The following SCMH1 variants were observed in gnomAD, a reference collection of about 807,000 sequenced individuals.
The protein encoded by SCMH1 is polycomb protein SCMH1.
Under a neutral mutation model 70.8 loss-of-function variants are expected in SCMH1, and 37 were observed. The observed-to-expected ratio is 0.52, with a 90% CI of 0.40 to 0.69. The LOEUF (loss-of-function observed/expected upper bound fraction) is 0.69. SCMH1 is among the 30% of genes least tolerant of loss of function. The pLI, the probability that SCMH1 is intolerant of heterozygous loss-of-function variation, is 0.00. For synonymous variants in SCMH1, 292 were observed against 307.4 expected (o/e 0.95, Z 0.52); for missense variants, 607 against 827.3 (o/e 0.73, Z 3.27).
chr1:41,111,405 T>A (rs1669215250), intron 8 of SCMH1, among the ~76,000 whole-genome samples: 1 of 152,240 alleles, frequency 6.6e-6, no homozygotes, highest in Non-Finnish European at 1.5e-5. Flanking sequence ...ATTGGTGCGA[T>A]CTTGGCTCAC....
chr1:41,049,173 C>T (rs1397241786), intron 10 of SCMH1, among the ~76,000 whole-genome samples: 4 of 152,214 alleles, frequency 2.6e-5, no homozygotes, highest in Non-Finnish European at 5.9e-5. Context: ...CTTCTGTGCA[C>T]TGAAAAGAAA....
intron 10 of SCMH1, among the ~76,000 whole-genome samples, chr1:41,049,457 T>A (rs543988812): frequency 2.9e-4 from 44 of 151,746 alleles, no homozygotes; most frequent in African/African-American, 1.0e-3. Flanking sequence ...AATAAAAATT[T>A]TAAAAAAAAT....
chr1:41,037,833 C>T lies in SCMH1; in HGVS notation c.1499-292G>A, dbSNP rs576053452. On this transcript the variant is annotated intron_variant, in intron 12 of 14. Transcript: ENST00000337495. ...TTTTCTTGATAAGGAACATCTTAAA[C>T]AAATGGAGCTATTCTAGGATGGAAG... Among the ~76,000 whole-genome samples the T allele has an allele frequency of 1.5e-3, 229 of 152,292 alleles. 2 individuals are homozygous for T. Among genetic ancestry groups the T allele is most frequent in the African/African-American group, 5.3e-3 (221 of 41,550 alleles).
At chr1:41,242,254 C>A (rs1329024785), upstream of SCMH1, 1 of 143,942 alleles carries the variant, frequency 6.9e-6, no homozygotes, top group African/African-American at 2.5e-5. This position sits in a 1 kb window ranked among gnomAD's most constrained non-coding sequence, Gnocchi z 5.2. Context: ...CCCGGCCCCT[C>A]CCCCGCGCCT....
Position 41,034,051 on chromosome 1 carries a change from G to A in SCMH1, c.1678+3311C>T, listed in dbSNP as rs1644931143. On this transcript the variant is annotated intron_variant, in intron 13 of 14. Coordinates refer to ENST00000337495, the Ensembl canonical transcript of SCMH1. The stretch of plus-strand genomic sequence containing the variant: ...TTCATTTGATCCTTTTAACACTCCT[G>A]TGGAAAGACCAGGTTGGTGTCACCA... 2 of 1,605,948 alleles carry A rather than the reference G, an allele frequency of 1.2e-6. No homozygotes were observed. The highest frequency in any genetic ancestry group is 8.5e-7 in the Non-Finnish European group (1 of 1,175,914).
At chr1:41,103,997 G>A (rs1667246162) in intron 8 of SCMH1, among the ~76,000 whole-genome samples, 1 of 152,154 alleles carries the variant, frequency 6.6e-6, no homozygotes, top group Non-Finnish European at 1.5e-5. Context: ...CTGGTTCACT[G>A]CAGAAGCCTC....
At chr1:41,213,577 A>G (rs1657494806) in intron 1 of SCMH1, among the ~76,000 whole-genome samples, 2 of 152,154 alleles carry the variant, frequency 1.3e-5, no homozygotes, top group Admixed American at 6.6e-5. Flanking sequence ...AGACACAGAG[A>G]GACCAAGAAG....
At chr1:41,164,407 A>G (rs1283767899) in intron 2 of SCMH1, among the ~76,000 whole-genome samples, 1 of 151,212 alleles carries the variant, frequency 6.6e-6, no homozygotes, top group Non-Finnish European at 1.5e-5. Flanking sequence ...CTCAAACTCC[A>G]AATATACTCT....
At chr1:41,102,898 G>C (rs979351376) in intron 8 of SCMH1, among the ~76,000 whole-genome samples, 1 of 152,104 alleles carries the variant, frequency 6.6e-6, no homozygotes, top group Non-Finnish European at 1.5e-5. Flanking sequence ...CTTAGCACAA[G>C]ACAATAAATT....
At position 41,202,211 on chromosome 1, in the gene SCMH1, T is replaced by C. The variant is rs555897899; in HGVS notation, c.-117-15961A>G. Among the ~76,000 whole-genome samples the C allele has an allele frequency of 5.5e-4, 84 of 152,216 alleles. 1 individual carries two copies. The highest frequency in any genetic ancestry group is 4.5e-3 in the Admixed American group (69 of 15,282). On this transcript the variant is annotated intron_variant, in intron 1 of 14. Transcript: ENST00000337495. ...CGACCACGCCCGGCTAATTTTCGTA[T>C]TTTTAGTAGAGACGGGGTTTCACCA...
In SCMH1 at chr1:41,230,150, G is replaced by C. The variant is rs1459769297; in HGVS notation, c.-118+11909C>G. Among the ~76,000 whole-genome samples, 3 of 152,190 alleles carry C rather than the reference G, an allele frequency of 2.0e-5. No individual in the cohort carries two copies. The East Asian group carries it at 5.8e-4, about 29-fold the overall frequency. ...AAGCCACTGAAGGATTTTAGGCAGA[G>C]ATATGATCTGATCTGTGGTGACCGC... On this transcript the variant is annotated intron_variant, in intron 1 of 14. Transcript: ENST00000337495.
intron 1 of SCMH1, among the ~76,000 whole-genome samples, chr1:41,217,876 T>C (rs1354494610): frequency 1.3e-5 from 2 of 152,180 alleles, no homozygotes; most frequent in African/African-American, 4.8e-5. Context: ...CCCTGCTGGG[T>C]TGTGAACTTA....
chr1:41,134,685 G>C (rs1642985021), intron 6 of SCMH1, among the ~76,000 whole-genome samples: 1 of 152,104 alleles, frequency 6.6e-6, no homozygotes, highest in Non-Finnish European at 1.5e-5. Context: ...TTTTAATCAT[G>C]CTTTTTGGTC....
At chr1:41,139,019 G>A (rs1643790241) in intron 6 of SCMH1, among the ~76,000 whole-genome samples, 1 of 152,144 alleles carries the variant, frequency 6.6e-6, no homozygotes, top group Non-Finnish European at 1.5e-5. Flanking sequence ...TTTAAGGTAG[G>A]ATGAGAAGAA....
At chr1:41,182,653 G>T (rs1649127425) in intron 2 of SCMH1, among the ~76,000 whole-genome samples, 1 of 152,144 alleles carries the variant, frequency 6.6e-6, no homozygotes, top group African/African-American at 2.4e-5. Flanking sequence ...CCAAGCTGCA[G>T]TGAGCCAGGA....
chr1:41,231,414 A>T (rs1279188424), intron 1 of SCMH1, among the ~76,000 whole-genome samples: 1 of 152,232 alleles, frequency 6.6e-6, no homozygotes, highest in African/African-American at 2.4e-5. Context: ...TTTTTCTATT[A>T]GAACAGTTTT....
chr1:41,147,444 G>T (rs1009229047), intron 5 of SCMH1, among the ~76,000 whole-genome samples: 1 of 152,098 alleles, frequency 6.6e-6, no homozygotes, highest in African/African-American at 2.4e-5. Context: ...TTCTAGTTTG[G>T]TGAGAGTTTT....
intron 6 of SCMH1, among the ~76,000 whole-genome samples, chr1:41,121,487 AG>A (rs963553212): frequency 5.9e-4 from 90 of 152,298 alleles, no homozygotes; most frequent in Non-Finnish European, 6.3e-4. Flanking sequence ...CAGTAATTTG[AG>A]GCTCTATTCA....
At chr1:41,169,103 T>TA (rs1310522580) in intron 2 of SCMH1, among the ~76,000 whole-genome samples, 1 of 152,200 alleles carries the variant, frequency 6.6e-6, no homozygotes, top group Non-Finnish European at 1.5e-5. Context: ...GGTCCTACTG[T>TA]ACGTCCACCT....
Sources: gnomAD v4.1 joint callset for allele counts (sites outside exome capture counted in the v4.1 genomes callset) on GRCh38, gnomAD v4.1.1 for gene constraint, Gnocchi (gnomAD v3.1) non-coding constraint, MANE v1.5 for transcripts, NCBI Gene and HGNC (gene_info 2026-07-23, HGNC 2026-07-21) for gene names.